SSH2: variants seen among roughly 807,000 people sequenced by gnomAD.
The protein encoded by SSH2 is protein phosphatase Slingshot homolog 2.
SSH2 carries 37 observed loss-of-function variants against 135.2 expected under a neutral mutation model. The ratio of observed to expected loss-of-function variants is 0.27; its 90% CI spans 0.21 to 0.36. SSH2 has a LOEUF of 0.36. Ranked by LOEUF, SSH2 falls within the 10% of genes least tolerant of loss-of-function variation. SSH2 has a pLI of 1.00. For synonymous variants in SSH2, 628 were observed against 646.2 expected (o/e 0.97, Z 0.43); for missense variants, 1,408 against 1,765.3 (o/e 0.80, Z 3.63).
At chr17:29,797,125 G>GC (rs1555635095) in intron 2 of SSH2, among the ~76,000 whole-genome samples, 4 of 148,326 alleles carry the variant, frequency 2.7e-5, no homozygotes, top group Non-Finnish European at 6.0e-5. Flanking sequence ...CACCTGGCCA[G>GC]TTTTTTTTTT....
At position 29,650,638 on chromosome 17, in the gene SSH2, C is replaced by A. The variant is rs940162833; in HGVS notation, c.1226+16G>T. 6.2e-7 allele frequency: 1 copy of A among 1,606,334 alleles called. No homozygotes were observed. Among genetic ancestry groups the A allele is most frequent in the Non-Finnish European group, 8.5e-7 (1 of 1,175,994 alleles). Reference sequence around the variant, plus strand: ...GAGGAACAGAGATCACAACATTGTGCAGGACTATTACTCACTTTGCTTTAG... The same window carrying A: ...GAGGAACAGAGATCACAACATTGTGAAGGACTATTACTCACTTTGCTTTAG... On this transcript the variant is annotated intron_variant, in intron 13 of 15. Transcript: ENST00000540801.
At chr17:29,799,881 G>T (rs1387922877) in intron 2 of SSH2, among the ~76,000 whole-genome samples, 1 of 152,158 alleles carries the variant, frequency 6.6e-6, no homozygotes, top group African/African-American at 2.4e-5. Flanking sequence ...TTGAACGTGG[G>T]TCTATCTTTC....
intron 3 of SSH2, among the ~76,000 whole-genome samples, chr17:29,778,437 C>T (rs1468889679): frequency 6.6e-6 from 1 of 151,936 alleles, no homozygotes; most frequent in East Asian, 1.9e-4. Flanking sequence ...GTCAGGAGAT[C>T]GAGACCAGCC....
At chr17:29,864,303 C>CTAAATAAA (rs201550583) in intron 1 of SSH2, 56,384 of 142,292 alleles carry the variant, frequency 0.4, 12,331 homozygotes, top group East Asian at 0.57. Context: ...AAAACTCCAT[C>CTAAATAAA]TAAATAAATA....
intron 1 of SSH2, among the ~76,000 whole-genome samples, chr17:29,868,259 AG>A (rs1301159198): frequency 6.6e-6 from 1 of 152,198 alleles, no homozygotes; most frequent in African/African-American, 2.4e-5. Flanking sequence ...CAGCAGAGGT[AG>A]TACCTACCCC....
chr17:29,737,954 T>A (rs1260022197), intron 3 of SSH2, among the ~76,000 whole-genome samples: 1 of 152,192 alleles, frequency 6.6e-6, no homozygotes, highest in East Asian at 1.9e-4. Context: ...TATTATACTT[T>A]AAGTTCTAGG....
intron 2 of SSH2, among the ~76,000 whole-genome samples, chr17:29,823,721 A>C (rs191990452): frequency 2.5e-4 from 38 of 152,122 alleles, no homozygotes; most frequent in Admixed American, 1.2e-3. Flanking sequence ...GCTACTAAAA[A>C]TACAAAAATT....
At chr17:29,844,504 G>C (rs953365637) in intron 2 of SSH2, among the ~76,000 whole-genome samples, 34 of 152,170 alleles carry the variant, frequency 2.2e-4, no homozygotes, top group Non-Finnish European at 1.8e-4. Context: ...GGGAAATGAA[G>C]AGAAGCCTCA....
In SSH2 at chr17:29,635,444, G is replaced by A. The variant is rs11869911; in HGVS notation, c.2262+524C>T. Reference sequence around the variant, plus strand: ...TTTGAGACAAGAGTCTTGCTCTGTCGCCCAGGCTGGAGTGCAGTGGCACAA... The same window carrying A: ...TTTGAGACAAGAGTCTTGCTCTGTCACCCAGGCTGGAGTGCAGTGGCACAA... On this transcript the variant is annotated intron_variant, in intron 15 of 15. Coordinates refer to ENST00000540801, the MANE Select transcript of SSH2 (RefSeq NM_001282129.2). 2.2e-3 allele frequency among the ~76,000 whole-genome samples: 336 copies of A among 151,012 alleles called. 1 individual carries two copies. The highest frequency in any genetic ancestry group is 7.8e-3 in the African/African-American group (319 of 41,140).
chr17:29,698,393 G>GC lies in SSH2; in HGVS notation c.293-2871_293-2870insG, dbSNP rs1334036890. Among the ~76,000 whole-genome samples, 4 of 152,246 alleles carry GC rather than the reference G, an allele frequency of 2.6e-5. No homozygotes were observed. The South Asian group carries it at 6.2e-4, about 24-fold the overall frequency. ...TAAAGCTGTTAAACAAAAAATAAAA[G>GC]AACAAGTATGAGGAGACAAAGTGTT... On this transcript the variant is annotated intron_variant, in intron 4 of 15. Coordinates refer to ENST00000540801, the MANE Select transcript of SSH2 (RefSeq NM_001282129.2).
chr17:29,664,636 GGTGTGA>G (rs1300675450), intron 11 of SSH2, among the ~76,000 whole-genome samples: 2 of 151,938 alleles, frequency 1.3e-5, no homozygotes, highest in Non-Finnish European at 2.9e-5. Flanking sequence ...TGGGATTATA[GGTGTGA>G]GCCACCACAC....
intron 1 of SSH2, among the ~76,000 whole-genome samples, chr17:29,907,106 C>T (rs1432707157): frequency 6.6e-6 from 1 of 152,126 alleles, no homozygotes; most frequent in Non-Finnish European, 1.5e-5. Flanking sequence ...GACATGGAAT[C>T]CATCTAAATG....
At chr17:29,730,678 A>T (rs2040157112) in intron 3 of SSH2, among the ~76,000 whole-genome samples, 1 of 151,988 alleles carries the variant, frequency 6.6e-6, no homozygotes, top group Admixed American at 6.6e-5. Flanking sequence ...GGCTCAAGCG[A>T]TCTGCCTGCC....
chr17:29,773,952 G>A (rs2151276545), intron 3 of SSH2, among the ~76,000 whole-genome samples: 1 of 152,164 alleles, frequency 6.6e-6, no homozygotes, highest in East Asian at 1.9e-4. Flanking sequence ...TTACAGGCGT[G>A]AGCCACCACG....
At chr17:29,806,990 A>G (rs1391107422) in intron 2 of SSH2, among the ~76,000 whole-genome samples, 2 of 152,258 alleles carry the variant, frequency 1.3e-5, no homozygotes, top group Non-Finnish European at 1.5e-5. Flanking sequence ...AGAAGCACTC[A>G]TAACACCTGG....
chr17:29,632,515 C>T lies in SSH2; in HGVS notation c.2679G>A (p.Val893=). Residue 893 remains valine (V), a synonymous_variant, in exon 16 of 16, where the codon GTG becomes GTA. Transcript: ENST00000540801. ...HPGAKWYPGS[V]RRATLEFEER... is the part of the protein sequence containing the mutation. ...CTTCGAACTCCAAGGTGGCTCGCCT[C>T]ACAGACCCAGGGTACCACTTGGCAC... is the stretch of plus-strand genomic sequence containing the variant. The T allele has an allele frequency of 6.2e-7, 1 of 1,614,198 alleles. No individual in the cohort carries two copies.
chr17:29,909,650 C>G (rs2066728808), intron 1 of SSH2, among the ~76,000 whole-genome samples: 1 of 152,192 alleles, frequency 6.6e-6, no homozygotes, highest in Non-Finnish European at 1.5e-5. Flanking sequence ...GTTGTACACA[C>G]AGATTCTTAG....
chr17:29,690,962 ACTCT>A (rs1292004708), intron 5 of SSH2, among the ~76,000 whole-genome samples: 1 of 151,144 alleles, frequency 6.6e-6, no homozygotes, highest in Non-Finnish European at 1.5e-5. Flanking sequence ...AGACACACAC[ACTCT>A]CTCTCTCATA....
At chr17:29,910,741 A>G (rs1257042495) in intron 1 of SSH2, among the ~76,000 whole-genome samples, 2 of 152,218 alleles carry the variant, frequency 1.3e-5, no homozygotes, top group Non-Finnish European at 2.9e-5. Flanking sequence ...AAATCTTTAC[A>G]TCATCAACTT....
Sources: gnomAD v4.1 joint callset for allele counts (sites outside exome capture counted in the v4.1 genomes callset) on GRCh38, gnomAD v4.1.1 for gene constraint, MANE v1.5 for transcripts, NCBI Gene and HGNC (gene_info 2026-07-23, HGNC 2026-07-21) for gene names.